Variants in S100A10 observed in about 807,000 individuals in gnomAD.
The protein encoded by S100A10 is protein S100-A10.
In S100A10, 3 loss-of-function variants were observed where a neutral mutation model predicts 7.1. The observed-to-expected ratio is 0.42, with a 90% CI of 0.19 to 1.10. S100A10 has a LOEUF of 1.10. Ranked by LOEUF, S100A10 falls within the 50% of genes least tolerant of loss-of-function variation. The pLI, the probability that S100A10 is intolerant of heterozygous loss-of-function variation, is 0.29. For synonymous variants in S100A10, 41 were observed against 39.3 expected (o/e 1.04, Z -0.16); for missense variants, 101 against 118.1 (o/e 0.86, Z 0.67).
rs1258975205 is a variant in S100A10, at chr1:151,993,610, A to T, written c.-22+142T>A. 1 of 152,222 alleles carries T rather than the reference A, an allele frequency of 6.6e-6. No individual in the cohort carries two copies. The highest frequency in any genetic ancestry group is 1.5e-5 in the Non-Finnish European group (1 of 68,132). The allele number at this position is 152,222 out of a possible 1,614,324, so 9.4% of individuals were successfully genotyped here. Reference sequence around the variant, plus strand: ...TTGGGTGTGGCCCGGAGCACTGAGCAGCGGATTCCCCACCAGCCGCTCCCC... The same window carrying T: ...TTGGGTGTGGCCCGGAGCACTGAGCTGCGGATTCCCCACCAGCCGCTCCCC... On this transcript the variant is annotated intron_variant, in intron 1 of 2. Coordinates refer to ENST00000368811, the MANE Select transcript of S100A10 (RefSeq NM_002966.3). This position sits in a 1 kb window ranked among gnomAD's most constrained non-coding sequence, Gnocchi z 5.1.
intron 2 of S100A10, chr1:151,985,363 T>A (rs1655769044): frequency 6.6e-6 from 1 of 152,236 alleles, no homozygotes. Flanking sequence ...AACTGTGCCT[T>A]GTGGCCCCAT....
intron 1 of S100A10, among the ~76,000 whole-genome samples, chr1:151,990,867 G>A (rs1276803747): frequency 6.6e-6 from 1 of 152,226 alleles, no homozygotes; most frequent in East Asian, 1.9e-4. Flanking sequence ...AGCCCTCATA[G>A]AGCCTGCTCG....
At chr1:151,992,564 T>C (rs1330655840) in intron 1 of S100A10, 1 of 152,062 alleles carries the variant, frequency 6.6e-6, no homozygotes, top group East Asian at 1.9e-4. Flanking sequence ...CAGTTCTCCT[T>C]TTCCTTCAGG....
At position 151,993,218 on chromosome 1, in the gene S100A10, CCT is replaced by C. The variant is rs987324817; in HGVS notation, c.-22+532_-22+533del. 6.6e-6 allele frequency among the ~76,000 whole-genome samples: 1 copy of C among 152,166 alleles called. No homozygotes were observed. The highest frequency in any genetic ancestry group is 1.5e-5 in the Non-Finnish European group (1 of 68,036). ...CAACAGGAAGCCCCGACCAGAAACG[CCT>C]GTTTGGCCGACGGACTAAGGGTTAC... On this transcript the variant is annotated intron_variant, in intron 1 of 2. Transcript: ENST00000368811. This position sits in a 1 kb window ranked among gnomAD's most constrained non-coding sequence, Gnocchi z 5.1.
In S100A10 at chr1:151,993,691, G is replaced by C. The variant is rs902969444; in HGVS notation, c.-22+61C>G. On this transcript the variant is annotated intron_variant, in intron 1 of 2. Coordinates refer to ENST00000368811, the MANE Select transcript of S100A10 (RefSeq NM_002966.3). This position sits in a 1 kb window ranked among gnomAD's most constrained non-coding sequence, Gnocchi z 5.1. ...CGAAGCCGGGTGCAGGGTTTTCCCCGGGCAGCAGGTCCGGGCCTGGGGACT... is the reference window on the plus strand; with the variant it reads ...CGAAGCCGGGTGCAGGGTTTTCCCCCGGCAGCAGGTCCGGGCCTGGGGACT... 1.3e-5 allele frequency: 2 copies of C among 152,416 alleles called. No individual in the cohort carries two copies. The highest frequency in any genetic ancestry group is 4.8e-5 in the African/African-American group (2 of 41,444). 9.4% of individuals were successfully genotyped at this position (152,416 alleles called of 1,614,324 possible). A position where few individuals can be genotyped will look rare whatever the true frequency, so the allele number is the denominator to read the frequency against.
intron 1 of S100A10, among the ~76,000 whole-genome samples, chr1:151,988,343 A>C (rs1309229477): frequency 6.6e-6 from 1 of 152,228 alleles, no homozygotes; most frequent in Non-Finnish European, 1.5e-5. Context: ...TCACAAGAAT[A>C]GGCTTTGAGC....
intron 1 of S100A10, among the ~76,000 whole-genome samples, chr1:151,986,860 G>C (rs776868451): frequency 6.6e-6 from 1 of 152,134 alleles, no homozygotes; most frequent in Non-Finnish European, 1.5e-5. Flanking sequence ...TTCAGTGAAT[G>C]AATCTAAGAA....
intron 1 of S100A10, among the ~76,000 whole-genome samples, chr1:151,989,153 A>C (rs918477058): frequency 6.6e-6 from 1 of 152,184 alleles, no homozygotes; most frequent in Admixed American, 6.5e-5. Flanking sequence ...CAGCTGAGGA[A>C]ATCCTGGCCA....
In S100A10 at chr1:151,993,507, A is replaced by G. The variant is rs1377403574; in HGVS notation, c.-22+245T>C. 1.3e-5 allele frequency among the ~76,000 whole-genome samples: 2 copies of G among 152,100 alleles called. No homozygotes were observed. Among genetic ancestry groups the G allele is most frequent in the African/African-American group, 4.8e-5 (2 of 41,440 alleles). ...CAATACCACGGTCCCCTCCTAAAGA[A>G]CAAGTGCCCCCTCCTCTGGTCCGCG... On this transcript the variant is annotated intron_variant, in intron 1 of 2. Coordinates refer to ENST00000368811, the MANE Select transcript of S100A10 (RefSeq NM_002966.3). This position sits in a 1 kb window ranked among gnomAD's most constrained non-coding sequence, Gnocchi z 5.1.
At chr1:151,983,622 C>T (rs1262079448) in intron 2 of S100A10, among the ~76,000 whole-genome samples, 1 of 152,050 alleles carries the variant, frequency 6.6e-6, no homozygotes, top group African/African-American at 2.4e-5. Flanking sequence ...GGTCAAATCC[C>T]TTACAAAGGA....
At chr1:151,984,545 T>A (rs1217924301) in intron 2 of S100A10, among the ~76,000 whole-genome samples, 1 of 152,200 alleles carries the variant, frequency 6.6e-6, no homozygotes, top group Non-Finnish European at 1.5e-5. Context: ...GTGCCTGGAA[T>A]AAATTACCCT....
rs1051803715 is a variant in S100A10, at chr1:151,983,113, G to T, written c.*50C>A. Reference sequence around the variant, plus strand: ...AAGCTGTGGGGCAGATTCCTTAAGCGACCCTTTGGGACAACTCTTATCAGG... The same window carrying T: ...AAGCTGTGGGGCAGATTCCTTAAGCTACCCTTTGGGACAACTCTTATCAGG... On this transcript the variant is annotated 3_prime_UTR_variant, in exon 3 of 3. Coordinates refer to ENST00000368811, the MANE Select transcript of S100A10 (RefSeq NM_002966.3). 4 of 1,343,458 alleles carry T rather than the reference G, an allele frequency of 3.0e-6. No homozygotes were observed. The highest frequency in any genetic ancestry group is 4.2e-5 in the South Asian group (2 of 47,856). 83.2% of individuals were successfully genotyped at this position (1,343,458 alleles called of 1,614,324 possible). A position where few individuals can be genotyped will look rare whatever the true frequency, so the allele number is the denominator to read the frequency against.
At chr1:151,985,989 C>T (rs1279230646) in intron 2 of S100A10, 110 bp downstream of exon 2, 2 of 820,398 alleles carry the variant, frequency 2.4e-6, no homozygotes, top group African/African-American at 3.6e-5. Context: ...TTCATTTATT[C>T]ACTAGTGGTG....
rs1655959202 is a variant in S100A10, at chr1:151,993,664, C to A, written c.-22+88G>T. On this transcript the variant is annotated intron_variant, in intron 1 of 2. Coordinates refer to ENST00000368811, the MANE Select transcript of S100A10 (RefSeq NM_002966.3). The surrounding 1 kb of genome is among the most constrained non-coding windows in gnomAD (Gnocchi z 5.1). ...CAGCCCCGCGGTGCTCCGGACGCCC[C>A]GCGAAGCCGGGTGCAGGGTTTTCCC... 2 of 152,430 alleles carry A rather than the reference C, an allele frequency of 1.3e-5. No individual in the cohort carries two copies. Among genetic ancestry groups the A allele is most frequent in the Admixed American group, 6.5e-5 (1 of 15,290 alleles). The allele number at this position is 152,430 out of a possible 1,614,324, so 9.4% of individuals were successfully genotyped here.
At chr1:151,986,473 T>C (rs1278643323) in intron 1 of S100A10, among the ~76,000 whole-genome samples, 4 of 152,228 alleles carry the variant, frequency 2.6e-5, no homozygotes, top group African/African-American at 9.6e-5. Context: ...ACTTAGCCAC[T>C]CTTAACTATT....
At chr1:151,987,417 C>G (rs1238714423) in intron 1 of S100A10, among the ~76,000 whole-genome samples, 3 of 152,020 alleles carry the variant, frequency 2.0e-5, no homozygotes, top group Non-Finnish European at 4.4e-5. Flanking sequence ...TCCACACAGT[C>G]AAGTCTGGTA....
rs1655965935 is a variant in S100A10 at position 151,993,800 on chromosome 1, G to C, written c.-70C>G. ...TGGGCGAGCTGGGCGAGCTGGACGC[G>C]GGGCGGAGAGGCGAGCGCGGCGGGC... On this transcript the variant is annotated 5_prime_UTR_variant, in exon 1 of 3. Transcript: ENST00000368811. This position sits in a 1 kb window ranked among gnomAD's most constrained non-coding sequence, Gnocchi z 5.1. 2 of 156,382 alleles carry C rather than the reference G, an allele frequency of 1.3e-5. No homozygotes were observed. Among genetic ancestry groups the C allele is most frequent in the Admixed American group, 6.5e-5 (1 of 15,300 alleles). The allele number at this position is 156,382 out of a possible 1,614,324, so 9.7% of individuals were successfully genotyped here.
At chr1:151,986,669 ATGAG>A (rs1201172499) in intron 1 of S100A10, among the ~76,000 whole-genome samples, 1 of 152,232 alleles carries the variant, frequency 6.6e-6, no homozygotes, top group Non-Finnish European at 1.5e-5. Flanking sequence ...AAGATTCCAC[ATGAG>A]TGAGATCATC....
intron 2 of S100A10, among the ~76,000 whole-genome samples, chr1:151,985,731 CT>C (rs1655776445): frequency 6.6e-6 from 1 of 152,166 alleles, no homozygotes; most frequent in Admixed American, 6.5e-5. Context: ...AGCTTTCTTT[CT>C]CCCAACTCTG....
Sources: allele counts gnomAD v4.1 joint callset (sites outside exome capture counted in the v4.1 genomes callset), GRCh38; gene constraint gnomAD v4.1.1; non-coding constraint Gnocchi (gnomAD v3.1); transcripts MANE v1.5; gene names NCBI Gene and HGNC (gene_info 2026-07-23, HGNC 2026-07-21).